CRB1: variants seen among roughly 807,000 people sequenced by gnomAD.
The protein encoded by CRB1 is protein crumbs homolog 1.
Under a neutral mutation model 120.0 loss-of-function variants are expected in CRB1, and 83 were observed. The ratio of observed to expected loss-of-function variants is 0.69; its 90% confidence interval spans 0.58 to 0.83. The LOEUF (loss-of-function observed/expected upper bound fraction) is 0.83, where lower values mean the gene tolerates loss of function less well. CRB1 is among the 40% of genes least tolerant of loss of function. The pLI is 0.00. For missense variants in CRB1, 1,699 were observed against 1,687.6 expected (o/e 1.01, Z -0.12); for synonymous variants, 625 against 612.5 (o/e 1.02, Z -0.30).
chr1:197,243,818 G>A, the CRB1 span, among the ~76,000 whole-genome samples: 1 of 152,080 alleles, frequency 6.6e-6, no homozygotes, highest in African/African-American at 2.4e-5. Flanking sequence ...AAGTCTCTTT[G>A]TAGGTATCTA....
intron 5 of CRB1, among the ~76,000 whole-genome samples, chr1:197,371,024 T>C (rs1004635146): frequency 3.3e-4 from 50 of 152,266 alleles, no homozygotes; most frequent in African/African-American, 1.2e-3. Context: ...AATCATTCTG[T>C]TTTATGACCA....
At chr1:197,329,224 G>T (rs571594153) in intron 2 of CRB1, among the ~76,000 whole-genome samples, 23 of 152,322 alleles carry the variant, frequency 1.5e-4, no homozygotes, top group Admixed American at 1.2e-3. Context: ...TTTAAATGGA[G>T]CTCTACATGA....
intron 5 of CRB1, among the ~76,000 whole-genome samples, chr1:197,399,326 T>A (rs1662940710): frequency 6.6e-6 from 1 of 152,200 alleles, no homozygotes; most frequent in African/African-American, 2.4e-5. Flanking sequence ...TTGATGTCTT[T>A]CATCTGTGGA....
At chr1:197,229,106 G>A in the CRB1 span, among the ~76,000 whole-genome samples, 1 of 152,056 alleles carries the variant, frequency 6.6e-6, no homozygotes, top group South Asian at 2.1e-4. Flanking sequence ...GACCCTCTCC[G>A]AGAACCTGAC....
At chr1:197,350,155 T>C (rs1435916584) in intron 4 of CRB1, among the ~76,000 whole-genome samples, 2 of 150,836 alleles carry the variant, frequency 1.3e-5, no homozygotes, top group African/African-American at 4.9e-5. Context: ...TGTAGTTTCA[T>C]GTTCTTGTCA....
rs901576229 is a variant in CRB1 at position 197,344,142 on chromosome 1, T to C, written c.653-139T>C. The C allele has an allele frequency of 4.6e-6, 4 of 870,458 alleles. No homozygotes were observed. The African/African-American group carries it at 6.7e-5, about 14-fold the overall frequency. The allele number at this position is 870,458 out of a possible 1,614,324, so 53.9% of individuals were successfully genotyped here. On this transcript the variant is annotated intron_variant, in intron 2 of 11. Transcript: ENST00000367400. ...CAAGCACACCAAAAGTTAATATCAA[T>C]TACAATTAAGGGGGAAAGTTATTTT...
At position 197,289,594 on chromosome 1, in the gene CRB1, G is replaced by C. The variant is rs187108673; in HGVS notation, c.70+21112G>C. Among the ~76,000 whole-genome samples the C allele has an allele frequency of 6.0e-3, 906 of 151,816 alleles. 18 individuals are homozygous for C. The highest frequency in any genetic ancestry group is 6.8e-3 in the Non-Finnish European group (461 of 67,878). On this transcript the variant is annotated intron_variant, in intron 1 of 11. Coordinates refer to ENST00000367400, the MANE Select transcript of CRB1 (RefSeq NM_201253.3). ...TTGAACCATTTATCACTTTGAATATGGTCTCTTCGCCATTCTCTCTGTTCT... is the reference window on the plus strand; with the variant it reads ...TTGAACCATTTATCACTTTGAATATCGTCTCTTCGCCATTCTCTCTGTTCT...
At chr1:197,401,304 A>G (rs946057127) in intron 5 of CRB1, among the ~76,000 whole-genome samples, 1 of 152,066 alleles carries the variant, frequency 6.6e-6, no homozygotes, top group African/African-American at 2.4e-5. Context: ...TGTTTTCATT[A>G]GGCTACTTTT....
intron 11 of CRB1, among the ~76,000 whole-genome samples, chr1:197,446,572 G>A (rs923714421): frequency 6.6e-6 from 1 of 152,198 alleles, no homozygotes; most frequent in Non-Finnish European, 1.5e-5. Flanking sequence ...CAAGAAAAAT[G>A]TCATGATTAT....
chr1:197,285,925 A>G (rs970991766), intron 1 of CRB1, among the ~76,000 whole-genome samples: 1 of 151,922 alleles, frequency 6.6e-6, no homozygotes, highest in East Asian at 1.9e-4. Flanking sequence ...ATTTGAGCAG[A>G]ATCTCTTTCT....
Position 197,435,151 on chromosome 1 carries a change from T to C in CRB1, c.3288T>C (p.Cys1096=). The C allele has an allele frequency of 6.2e-7, 1 of 1,613,890 alleles. No individual in the cohort carries two copies. Among genetic ancestry groups the C allele is most frequent in the Non-Finnish European group, 8.5e-7 (1 of 1,179,852 alleles). ...AIDNIKGLQG[C]LSTIEIGGIY... is the part of the protein sequence containing the mutation. Reference sequence around the variant, plus strand: ...ACAATATAAAGGGCCTGCAAGGGTGTCTAAGTACAATAGAAATCGGAGGCA... The same window carrying C: ...ACAATATAAAGGGCCTGCAAGGGTGCCTAAGTACAATAGAAATCGGAGGCA... Residue 1096 remains cysteine (C), a synonymous_variant, in exon 9 of 12, where the codon TGT becomes TGC. Transcript: ENST00000367400.
rs575358595 is a variant in CRB1, at chr1:197,434,784, C to T, written c.2921C>T (p.Thr974Ile). Residue 974 changes from threonine to isoleucine, a missense_variant, in exon 9 of 12, where the codon ACC (threonine) becomes ATC (isoleucine). Thr to Ile is a moderately conservative substitution (Grantham distance 89). Coordinates refer to ENST00000367400, the MANE Select transcript of CRB1 (RefSeq NM_201253.3). ...AATGGGAATATTACCAGAGAACTCACCAATATCACATTTGGTTTCAGAACA... is the reference window on the plus strand; with the variant it reads ...AATGGGAATATTACCAGAGAACTCATCAATATCACATTTGGTTTCAGAACA... ...RSNGNITRELTNITFGFRTRD... is the reference protein window; with the variant it reads ...RSNGNITRELINITFGFRTRD... 1.1e-5 allele frequency: 18 copies of T among 1,613,498 alleles called. No homozygotes were observed. In the South Asian group the frequency reaches 1.3e-4, roughly 12 times the overall value.
At chr1:197,453,576 G>GAGA (rs1558151947) in intron 11 of CRB1, among the ~76,000 whole-genome samples, 1 of 118,526 alleles carries the variant, frequency 8.4e-6, no homozygotes, top group Non-Finnish European at 1.7e-5. Flanking sequence ...AGAGGGAGAG[G>GAGA]GAGAGAGAGA....
In CRB1 at chr1:197,387,258, A is replaced by T. The variant is rs142715462; in HGVS notation, c.1171+30245A>T. On this transcript the variant is annotated intron_variant, in intron 5 of 11. Coordinates refer to ENST00000367400, the MANE Select transcript of CRB1 (RefSeq NM_201253.3). ...ATAATCTTTAAAGCACAAAGTCTGG[A>T]GTATTTTGGCAAATGTAGCTCAATG... Among the ~76,000 whole-genome samples the T allele has an allele frequency of 4.6e-3, 702 of 152,164 alleles. 9 individuals are homozygous for T. The highest frequency in any genetic ancestry group is 0.016 in the African/African-American group (656 of 41,528).
intron 11 of CRB1, among the ~76,000 whole-genome samples, chr1:197,446,290 G>A (rs1328886522): frequency 6.6e-6 from 1 of 152,172 alleles, no homozygotes; most frequent in Non-Finnish European, 1.5e-5. Flanking sequence ...ATTTTGTCCA[G>A]TCTTACAGGT....
At chr1:197,238,945 AGT>A in the CRB1 span, among the ~76,000 whole-genome samples, 3 of 152,158 alleles carry the variant, frequency 2.0e-5, no homozygotes, top group Non-Finnish European at 4.4e-5. Context: ...ACCTGTGAAA[AGT>A]GTCTTTCTTT....
In CRB1 at chr1:197,357,138, G is replaced by A. The variant is rs143119530; in HGVS notation, c.1171+125G>A. On this transcript the variant is annotated intron_variant, in intron 5 of 11. Coordinates refer to ENST00000367400, the MANE Select transcript of CRB1 (RefSeq NM_201253.3). ...TAAACTCTGCTGCTGTGGTGCAAAGGGTCCCCCTTGTGGGCATGAAAAGTA... is the reference window on the plus strand; with the variant it reads ...TAAACTCTGCTGCTGTGGTGCAAAGAGTCCCCCTTGTGGGCATGAAAAGTA... 602 of 962,344 alleles carry A rather than the reference G, an allele frequency of 6.3e-4. 2 individuals are homozygous for A. In the African/African-American group the frequency reaches 8.0e-3, roughly 13 times the overall value. The allele number at this position is 962,344 out of a possible 1,614,324, so 59.6% of individuals were successfully genotyped here. A position where few individuals can be genotyped will look rare whatever the true frequency, so the allele number is the denominator to read the frequency against.
rs558516519 is a variant in CRB1 at position 197,354,375 on chromosome 1, C to T, written c.989-2456C>T. On this transcript the variant is annotated intron_variant, in intron 4 of 11. Coordinates refer to ENST00000367400, the MANE Select transcript of CRB1 (RefSeq NM_201253.3). Reference sequence around the variant, plus strand: ...ATTGGTGGGTTGTTGGTCTGATTGACTCTTCAAGAATGAAGCCACAGACCC... The same window carrying T: ...ATTGGTGGGTTGTTGGTCTGATTGATTCTTCAAGAATGAAGCCACAGACCC... Among the ~76,000 whole-genome samples the T allele has an allele frequency of 3.9e-5, 6 of 152,284 alleles. No homozygotes were observed. The South Asian group carries it at 1.2e-3, about 32-fold the overall frequency.
At chr1:197,277,297 A>G (rs1357440337) in intron 1 of CRB1, among the ~76,000 whole-genome samples, 1 of 151,972 alleles carries the variant, frequency 6.6e-6, no homozygotes, top group Non-Finnish European at 1.5e-5. Flanking sequence ...AATTGTCCTG[A>G]TAATTCCCAG....
Sources: gnomAD v4.1 joint callset for allele counts (sites outside exome capture counted in the v4.1 genomes callset) on GRCh38, gnomAD v4.1.1 for gene constraint, MANE v1.5 for transcripts, NCBI Gene and HGNC (gene_info 2026-07-23, HGNC 2026-07-21) for gene names.